The following MED13L variants were observed in gnomAD, a reference collection of about 807,000 sequenced individuals.
The protein encoded by MED13L is mediator complex subunit 13L.
MED13L carries 7 observed loss-of-function variants against 220.9 expected under a neutral mutation model. The observed-to-expected ratio is 0.03, with a 90% CI of 0.02 to 0.06. The LOEUF is 0.06. Ranked by LOEUF, MED13L falls within the 10% of genes least tolerant of loss-of-function variation. The pLI is 1.00. For synonymous variants in MED13L, 1,011 were observed against 1,015.2 expected (o/e 1.00, Z 0.08); for missense variants, 1,965 against 2,760.5 (o/e 0.71, Z 6.46).
intron 14 of MED13L, among the ~76,000 whole-genome samples, chr12:116,001,884 T>C (rs973507269): frequency 5.9e-5 from 9 of 152,244 alleles, no homozygotes; most frequent in Non-Finnish European, 1.0e-4. Flanking sequence ...TGCTGCTAAC[T>C]AGCAGGATGT....
chr12:116,108,393 G>T (rs987309607), intron 3 of MED13L, among the ~76,000 whole-genome samples: 1 of 140,358 alleles, frequency 7.1e-6, no homozygotes, highest in Non-Finnish European at 1.6e-5. Context: ...AAAAGAAAGG[G>T]GGGGGGGGCG....
At chr12:116,210,802 G>A (rs572533733) in intron 2 of MED13L, among the ~76,000 whole-genome samples, 3 of 151,836 alleles carry the variant, frequency 2.0e-5, no homozygotes, top group East Asian at 1.9e-4. Context: ...TAGGGAAAAT[G>A]TAAGTAGTAA....
chr12:116,015,334 ACTG>A, intron 7 of MED13L, 60 bp from the exon 8 acceptor site: 4 of 1,536,074 alleles, frequency 2.6e-6, no homozygotes, highest in Non-Finnish European at 2.7e-6. Context: ...TACTTCATAG[ACTG>A]CTATCTTATT....
At chr12:116,217,454 A>C (rs932594313) in intron 2 of MED13L, among the ~76,000 whole-genome samples, 1 of 152,216 alleles carries the variant, frequency 6.6e-6, no homozygotes, top group Non-Finnish European at 1.5e-5. Context: ...CAGGATTGGT[A>C]AAAGTCCTAT....
At chr12:116,198,748 C>CATTTAA (rs33932510) in intron 2 of MED13L, among the ~76,000 whole-genome samples, 2 of 151,938 alleles carry the variant, frequency 1.3e-5, no homozygotes, top group African/African-American at 4.8e-5. Flanking sequence ...ATTCCTCTTA[C>CATTTAA]AGATCTTATG....
intron 2 of MED13L, among the ~76,000 whole-genome samples, chr12:116,138,230 A>C (rs1876750486): frequency 6.6e-6 from 1 of 152,228 alleles, no homozygotes; most frequent in African/African-American, 2.4e-5. Context: ...TACTCTACAA[A>C]ATAAATTTTA....
At chr12:116,092,705 TAAGAG>T (rs1313806894) in intron 4 of MED13L, among the ~76,000 whole-genome samples, 2 of 152,114 alleles carry the variant, frequency 1.3e-5, no homozygotes, top group Non-Finnish European at 2.9e-5. Flanking sequence ...AGTCTGAAGT[TAAGAG>T]GAGAGAAGAC....
At chr12:116,230,335 G>C in intron 2 of MED13L, 1 of 253,302 alleles carries the variant, frequency 3.9e-6, no homozygotes, top group Non-Finnish European at 6.2e-6. Context: ...GCGAGGCAGA[G>C]GCTGCCATGA....
intron 4 of MED13L, among the ~76,000 whole-genome samples, chr12:116,070,155 A>G (rs1870257924): frequency 6.6e-6 from 1 of 152,230 alleles, no homozygotes; most frequent in Non-Finnish European, 1.5e-5. Flanking sequence ...GTCATGTCCA[A>G]GGGCAGGAGC....
rs1874076707 is a variant in MED13L at position 116,111,492 on chromosome 12, C to G, written c.331G>C (p.Glu111Gln). The change falls in exon 3 of 31, where the codon GAA (glutamate) becomes CAA (glutamine). Residue 111 changes from glutamate to glutamine, a missense_variant. By Grantham distance (29) the Glu-to-Gln change is conservative. This residue lies in a region of MED13L where 818 missense variants were observed against 1,041.2 expected (regional missense o/e 0.79). Coordinates refer to ENST00000281928, the MANE Select transcript of MED13L (RefSeq NM_015335.5). ...CTACATTCATAGGAAAGGCCATTTTCCCAGAGTCCTTCTTCCACAACTGAA... is the reference window on the plus strand; with the variant it reads ...CTACATTCATAGGAAAGGCCATTTTGCCAGAGTCCTTCTTCCACAACTGAA... Reference protein sequence around the residue: ...ELQVVEEGLWENGLSYECRTL... With the variant: ...ELQVVEEGLWQNGLSYECRTL... 1 of 1,609,522 alleles carries G rather than the reference C, an allele frequency of 6.2e-7. No individual in the cohort carries two copies. The highest frequency in any genetic ancestry group is 1.3e-5 in the African/African-American group (1 of 74,502).
intron 17 of MED13L, among the ~76,000 whole-genome samples, chr12:115,989,006 C>G (rs1002100367): frequency 7.9e-5 from 12 of 152,162 alleles, no homozygotes; most frequent in African/African-American, 2.7e-4. Flanking sequence ...TGAGCATAAC[C>G]CTTTAATGCT....
intron 4 of MED13L, among the ~76,000 whole-genome samples, chr12:116,075,375 C>A (rs1870698827): frequency 1.3e-5 from 2 of 152,200 alleles, no homozygotes; most frequent in Non-Finnish European, 2.9e-5. Context: ...AAAGACTGTA[C>A]AAGCAGTTTG....
At chr12:116,046,507 T>C (rs913652053) in intron 4 of MED13L, among the ~76,000 whole-genome samples, 29 of 152,318 alleles carry the variant, frequency 1.9e-4, no homozygotes, top group African/African-American at 7.0e-4. Context: ...ACTTCACATA[T>C]ATGAGAACAT....
chr12:116,267,087 T>A (rs1367404202), intron 1 of MED13L, among the ~76,000 whole-genome samples: 1 of 152,186 alleles, frequency 6.6e-6, no homozygotes, highest in Non-Finnish European at 1.5e-5. Flanking sequence ...AACTGCTATT[T>A]AAAGTTCAAA....
Position 116,024,757 on chromosome 12 carries a change from C to CT in MED13L, c.480-2157dup, listed in dbSNP as rs1234182994. On this transcript the variant is annotated intron_variant, in intron 4 of 30. Coordinates refer to ENST00000281928, the MANE Select transcript of MED13L (RefSeq NM_015335.5). Reference sequence around the variant, plus strand: ...TATGGTTTCTTCTAGTAGTTTCATGCTTTTTTTTGGCGGGGCGGGGGGGGG... The same window carrying CT: ...TATGGTTTCTTCTAGTAGTTTCATGCTTTTTTTTTGGCGGGGCGGGGGGGGG... Among the ~76,000 whole-genome samples the CT allele has an allele frequency of 1.0e-3, 76 of 75,680 alleles. 1 individual carries two copies. Among genetic ancestry groups the CT allele is most frequent in the African/African-American group, 2.1e-3 (39 of 18,316 alleles). The allele number at this position is 75,680 out of a possible 152,430, so 49.6% of individuals were successfully genotyped here. A position where few individuals can be genotyped will look rare whatever the true frequency, so the allele number is the denominator to read the frequency against.
intron 4 of MED13L, among the ~76,000 whole-genome samples, chr12:116,025,087 T>A (rs1880307317): frequency 6.6e-6 from 1 of 152,082 alleles, no homozygotes; most frequent in South Asian, 2.1e-4. Flanking sequence ...TGCTTTGTTC[T>A]GAAAATAAAA....
At chr12:116,095,990 A>C (rs1197443280) in intron 4 of MED13L, among the ~76,000 whole-genome samples, 1 of 151,992 alleles carries the variant, frequency 6.6e-6, no homozygotes, top group East Asian at 1.9e-4. Context: ...AAGGGGCACC[A>C]ATGAATTCCA....
chr12:116,258,057 A>G (rs1045256828), intron 1 of MED13L, among the ~76,000 whole-genome samples: 2 of 152,216 alleles, frequency 1.3e-5, no homozygotes, highest in African/African-American at 4.8e-5. Context: ...GTACTAAATT[A>G]TATGGTCTAC....
chr12:116,194,935 T>C (rs1255689419), intron 2 of MED13L, among the ~76,000 whole-genome samples: 1 of 152,112 alleles, frequency 6.6e-6, no homozygotes, highest in African/African-American at 2.4e-5. Context: ...GCAGAAGGTA[T>C]AGGGCTGCTA....
Sources: allele counts gnomAD v4.1 joint callset (sites outside exome capture counted in the v4.1 genomes callset), GRCh38; gene constraint gnomAD v4.1.1; regional missense constraint gnomAD v4.1.1; transcripts MANE v1.5; gene names NCBI Gene and HGNC (gene_info 2026-07-23, HGNC 2026-07-21).